The following FHIP1A variants were observed in gnomAD, a reference collection of about 807,000 sequenced individuals.
FHIP1A encodes the protein FHF complex subunit HOOK-interacting protein 1A.
FHIP1A carries 61 observed loss-of-function variants against 88.6 expected under a neutral mutation model. That is an observed-to-expected ratio of 0.69 (90% CI 0.56 to 0.85). FHIP1A has a LOEUF of 0.85. Ranked by LOEUF, FHIP1A falls within the 40% of genes least tolerant of loss-of-function variation. The probability of loss-of-function intolerance (pLI) is 0.00; values close to 1 mark genes in which losing one functional copy is unlikely to be tolerated. For synonymous variants in FHIP1A, 478 were observed against 496.0 expected (o/e 0.96, Z 0.48); for missense variants, 1,154 against 1,273.5 (o/e 0.91, Z 1.43).
At chr4:151,431,124 A>G (rs1467923902) in intron 1 of FHIP1A, among the ~76,000 whole-genome samples, 1 of 152,178 alleles carries the variant, frequency 6.6e-6, no homozygotes, top group South Asian at 2.1e-4. Context: ...TATCTTCTTT[A>G]GCAGGCCACT....
At chr4:151,498,708 G>A in intron 3 of FHIP1A, among the ~76,000 whole-genome samples, 1 of 152,134 alleles carries the variant, frequency 6.6e-6, no homozygotes, top group East Asian at 1.9e-4. Context: ...CCAGCTACTC[G>A]GGAGGCTGAG....
intron 1 of FHIP1A, among the ~76,000 whole-genome samples, chr4:151,416,483 C>T (rs965917116): frequency 6.6e-6 from 1 of 151,938 alleles, no homozygotes; most frequent in Non-Finnish European, 1.5e-5. Flanking sequence ...CATACATACC[C>T]CCTATATTTA....
chr4:151,537,548 C>A (rs187517775), intron 3 of FHIP1A, among the ~76,000 whole-genome samples: 1 of 152,230 alleles, frequency 6.6e-6, no homozygotes, highest in East Asian at 1.9e-4. Context: ...CTGTAGTTTA[C>A]CTTTTCATCT....
chr4:151,582,318 T>G (rs1280391951), intron 5 of FHIP1A, among the ~76,000 whole-genome samples: 1 of 152,210 alleles, frequency 6.6e-6, no homozygotes, highest in Non-Finnish European at 1.5e-5. Flanking sequence ...AGTTAAACAT[T>G]ACTCATTCAC....
intron 5 of FHIP1A, among the ~76,000 whole-genome samples, chr4:151,586,104 C>T (rs1039892667): frequency 1.1e-4 from 16 of 152,110 alleles, no homozygotes; most frequent in Admixed American, 3.3e-4. Context: ...AGCTGTCAGT[C>T]GTGACCTCAA....
chr4:151,637,241 G>A (rs764412149), intron 8 of FHIP1A, among the ~76,000 whole-genome samples: 2 of 152,070 alleles, frequency 1.3e-5, no homozygotes, highest in Non-Finnish European at 2.9e-5. Context: ...GTAAATCCTT[G>A]TAGCCTTGAC....
At chr4:151,448,298 A>G (rs867571923) in intron 1 of FHIP1A, among the ~76,000 whole-genome samples, 1 of 152,126 alleles carries the variant, frequency 6.6e-6, no homozygotes. Flanking sequence ...GCAGCCTGGG[A>G]AACTAATATA....
At position 151,656,049 on chromosome 4, in the gene FHIP1A, A is replaced by T. The variant is rs1040820156; in HGVS notation, c.2552-183A>T. On this transcript the variant is annotated intron_variant, in intron 11 of 13. Transcript: ENST00000435205. The surrounding 1 kb of genome is among the most constrained non-coding windows in gnomAD (Gnocchi z 4.2). ...CCTATTTTTCTGTTTTCTTTTTGCC[A>T]TGGTGGTTTGTTTTCCGTTTTGGTT... 1.3e-5 allele frequency among the ~76,000 whole-genome samples: 2 copies of T among 151,590 alleles called. No individual in the cohort carries two copies. The highest frequency in any genetic ancestry group is 4.9e-5 in the African/African-American group (2 of 41,180).
chr4:151,596,886 A>C (rs143130858), intron 7 of FHIP1A, among the ~76,000 whole-genome samples: 34 of 152,070 alleles, frequency 2.2e-4, no homozygotes, highest in African/African-American at 8.2e-4. Context: ...GGTCATTTAC[A>C]TTCTTTTCTA....
chr4:151,476,596 T>C (rs79477716), intron 2 of FHIP1A, among the ~76,000 whole-genome samples: 4,954 of 152,246 alleles, frequency 0.033, 193 homozygotes, highest in East Asian at 0.11. Flanking sequence ...AAAATAAGAA[T>C]GTTTACTATT....
At chr4:151,603,630 A>C (rs1168635745) in intron 7 of FHIP1A, among the ~76,000 whole-genome samples, 1 of 152,112 alleles carries the variant, frequency 6.6e-6, no homozygotes, top group Non-Finnish European at 1.5e-5. Context: ...GCTTCCTCAA[A>C]CTTAAAATGT....
At chr4:151,507,123 G>GC (rs920282454) in intron 3 of FHIP1A, among the ~76,000 whole-genome samples, 64 of 151,718 alleles carry the variant, frequency 4.2e-4, no homozygotes, top group Middle Eastern at 3.4e-3. Context: ...CCTTTCCCCT[G>GC]CCCCCCCACT....
At chr4:151,576,342 G>T (rs1733790188) in intron 4 of FHIP1A, among the ~76,000 whole-genome samples, 1 of 152,094 alleles carries the variant, frequency 6.6e-6, no homozygotes, top group African/African-American at 2.4e-5. Context: ...TTGAGACAGG[G>T]TCTTTCTCTG....
At chr4:151,580,529 T>C (rs1327302196) in intron 5 of FHIP1A, among the ~76,000 whole-genome samples, 1 of 152,196 alleles carries the variant, frequency 6.6e-6, no homozygotes, top group African/African-American at 2.4e-5. Context: ...AGAATATAAA[T>C]TGGTATAGTA....
At chr4:151,554,602 G>A (rs903295555) in intron 3 of FHIP1A, among the ~76,000 whole-genome samples, 1 of 152,114 alleles carries the variant, frequency 6.6e-6, no homozygotes, top group Non-Finnish European at 1.5e-5. Flanking sequence ...GGTAGCCAAA[G>A]GTTTTGGGAT....
intron 2 of FHIP1A, among the ~76,000 whole-genome samples, chr4:151,468,645 G>A (rs1301794149): frequency 6.6e-6 from 1 of 152,140 alleles, no homozygotes; most frequent in Non-Finnish European, 1.5e-5. Flanking sequence ...ACATTCTAAA[G>A]TAGCCACTGG....
At chr4:151,585,989 A>T (rs1438568098) in intron 5 of FHIP1A, among the ~76,000 whole-genome samples, 4 of 152,086 alleles carry the variant, frequency 2.6e-5, no homozygotes, top group Non-Finnish European at 5.9e-5. Context: ...TTGTCATCAC[A>T]TCTAACTAAC....
Position 151,497,723 on chromosome 4 carries a change from A to C in FHIP1A, c.-123+15075A>C, listed in dbSNP as rs150291053. Among the ~76,000 whole-genome samples the C allele has an allele frequency of 0.011, 1,621 of 152,336 alleles. 110 individuals are homozygous for C. The South Asian group carries it at 0.21, about 20-fold the overall frequency. ...TGCACAGAAAGGCCCCCAGCAACAAAGAATTATCTGAGCCAAAATGTTGAC... is the reference window on the plus strand; with the variant it reads ...TGCACAGAAAGGCCCCCAGCAACAACGAATTATCTGAGCCAAAATGTTGAC... On this transcript the variant is annotated intron_variant, in intron 3 of 13. Transcript: ENST00000435205.
chr4:151,635,265 C>A (rs1400696769), intron 8 of FHIP1A, among the ~76,000 whole-genome samples: 1 of 151,754 alleles, frequency 6.6e-6, no homozygotes, highest in Non-Finnish European at 1.5e-5. Flanking sequence ...ACCTTTGTGT[C>A]TTGTTTATGG....
Sources: gnomAD v4.1 joint callset for allele counts (sites outside exome capture counted in the v4.1 genomes callset) on GRCh38, gnomAD v4.1.1 for gene constraint, Gnocchi (gnomAD v3.1) non-coding constraint, MANE v1.5 for transcripts, NCBI Gene and HGNC (gene_info 2026-07-23, HGNC 2026-07-21) for gene names.